Variants in ZBTB20 observed in about 807,000 individuals in gnomAD.
The protein encoded by ZBTB20 is zinc finger and BTB domain-containing protein 20.
ZBTB20 carries 9 observed loss-of-function variants against 56.9 expected under a neutral mutation model. The observed-to-expected ratio is 0.16, with a 90% CI of 0.10 to 0.28. The LOEUF is 0.28. Ranked by LOEUF, ZBTB20 falls within the 10% of genes least tolerant of loss-of-function variation. The probability of loss-of-function intolerance (pLI) is 1.00; values close to 1 mark genes in which losing one functional copy is unlikely to be tolerated. For synonymous variants in ZBTB20, 417 were observed against 420.7 expected (o/e 0.99, Z 0.11); for missense variants, 655 against 1,003.0 (o/e 0.65, Z 4.69).
intron 6 of ZBTB20, among the ~76,000 whole-genome samples, chr3:114,595,901 A>G (rs563427521): frequency 6.6e-6 from 1 of 152,348 alleles, no homozygotes; most frequent in East Asian, 1.9e-4. Flanking sequence ...TTGAAAGTCC[A>G]ATATGCTATC....
intron 10 of ZBTB20, among the ~76,000 whole-genome samples, chr3:114,353,508 A>G (rs34901326): frequency 0.015 from 2,209 of 152,308 alleles, 41 homozygotes; most frequent in Non-Finnish European, 0.017. Flanking sequence ...TGCCTAAAAT[A>G]TTGTATTAGG....
intron 7 of ZBTB20, among the ~76,000 whole-genome samples, chr3:114,472,370 T>A (rs2109271276): frequency 6.6e-6 from 1 of 152,246 alleles, no homozygotes; most frequent in South Asian, 2.1e-4. Flanking sequence ...AACTGGGTCC[T>A]CCCTGGGAAA....
At chr3:114,383,907 T>C (rs1576505537) in intron 8 of ZBTB20, among the ~76,000 whole-genome samples, 6 of 152,276 alleles carry the variant, frequency 3.9e-5, no homozygotes, top group Admixed American at 3.9e-4. Context: ...ACATGGCACA[T>C]CTGAGGGCAA....
At chr3:114,374,564 C>G (rs1185019263) in intron 10 of ZBTB20, among the ~76,000 whole-genome samples, 1 of 152,168 alleles carries the variant, frequency 6.6e-6, no homozygotes, top group Admixed American at 6.5e-5. Flanking sequence ...TGCCATGTCT[C>G]TATTACGGTT....
chr3:114,936,500 C>A (rs1167402767), intron 3 of ZBTB20, among the ~76,000 whole-genome samples: 1 of 151,728 alleles, frequency 6.6e-6, no homozygotes, highest in African/African-American at 2.4e-5. Flanking sequence ...TGAATGAGAC[C>A]CTCATTCAAA....
intron 1 of ZBTB20, among the ~76,000 whole-genome samples, chr3:115,115,927 CTTGA>C (rs949801023): frequency 2.6e-5 from 4 of 152,004 alleles, no homozygotes; most frequent in Admixed American, 6.6e-5. Flanking sequence ...AAATAGACTT[CTTGA>C]TTATTATTTT....
intron 11 of ZBTB20, among the ~76,000 whole-genome samples, chr3:114,349,796 A>T (rs1190855972): frequency 6.6e-6 from 1 of 152,200 alleles, no homozygotes; most frequent in Non-Finnish European, 1.5e-5. Flanking sequence ...AAACAGCACT[A>T]TAAGGAAGGC....
intron 1 of ZBTB20, among the ~76,000 whole-genome samples, chr3:115,075,584 G>A (rs1183272978): frequency 2.6e-5 from 4 of 152,126 alleles, no homozygotes; most frequent in East Asian, 3.9e-4. Flanking sequence ...TTGAGATCCC[G>A]ATTTCAATTC....
chr3:115,110,934 G>A (rs2083860607), intron 1 of ZBTB20, among the ~76,000 whole-genome samples: 1 of 151,822 alleles, frequency 6.6e-6, no homozygotes, highest in Non-Finnish European at 1.5e-5. Context: ...AGGCTGCAGT[G>A]AGCCGAGCTT....
chr3:114,839,207 C>T (rs2074258433), intron 4 of ZBTB20, among the ~76,000 whole-genome samples: 1 of 152,068 alleles, frequency 6.6e-6, no homozygotes, highest in South Asian at 2.1e-4. Context: ...TCAAGACCAG[C>T]TTTGGCAATG....
At chr3:114,569,416 A>G (rs2053167670) in intron 6 of ZBTB20, among the ~76,000 whole-genome samples, 1 of 152,228 alleles carries the variant, frequency 6.6e-6, no homozygotes, top group Non-Finnish European at 1.5e-5. Context: ...CTTTGCCACG[A>G]AGTGTTTGGC....
intron 10 of ZBTB20, among the ~76,000 whole-genome samples, chr3:114,379,359 G>C (rs752216430): frequency 9.9e-5 from 15 of 152,068 alleles, no homozygotes; most frequent in Non-Finnish European, 1.8e-4. Flanking sequence ...ATATTCTTTT[G>C]GATTCGACTC....
At chr3:114,475,072 C>T (rs2040588680) in intron 7 of ZBTB20, among the ~76,000 whole-genome samples, 1 of 152,150 alleles carries the variant, frequency 6.6e-6, no homozygotes, top group African/African-American at 2.4e-5. Context: ...CTTTCTGGTC[C>T]CAATATACTT....
chr3:114,981,910 C>T (rs1403534775), intron 2 of ZBTB20, among the ~76,000 whole-genome samples: 1 of 151,974 alleles, frequency 6.6e-6, no homozygotes, highest in African/African-American at 2.4e-5. Context: ...AAGTCTACTT[C>T]TTCACTACCA....
intron 7 of ZBTB20, among the ~76,000 whole-genome samples, chr3:114,486,989 C>T (rs1453907338): frequency 6.6e-6 from 1 of 152,100 alleles, no homozygotes; most frequent in Non-Finnish European, 1.5e-5. Context: ...AGAAAAAAAA[C>T]TCTTAATTTT....
chr3:114,496,671 T>C (rs1008134605), intron 7 of ZBTB20, among the ~76,000 whole-genome samples: 1 of 152,160 alleles, frequency 6.6e-6, no homozygotes, highest in African/African-American at 2.4e-5. Context: ...ACACTTATGG[T>C]GAACTCTAAT....
chr3:114,528,398 A>G (rs1039341453), intron 6 of ZBTB20, among the ~76,000 whole-genome samples: 1 of 152,138 alleles, frequency 6.6e-6, no homozygotes, highest in African/African-American at 2.4e-5. Context: ...AAATGTCTAC[A>G]TGAGACACAG....
At chr3:114,836,590 T>A (rs1045939647) in intron 4 of ZBTB20, among the ~76,000 whole-genome samples, 2 of 152,210 alleles carry the variant, frequency 1.3e-5, no homozygotes, top group African/African-American at 4.8e-5. Context: ...GGTGCCACCA[T>A]CTGCCCTGAC....
intron 2 of ZBTB20, among the ~76,000 whole-genome samples, chr3:115,054,939 T>C (rs2081700620): frequency 6.6e-6 from 1 of 152,124 alleles, no homozygotes; most frequent in South Asian, 2.1e-4. Flanking sequence ...ATTCTCCTGC[T>C]AATCCATGTA....
Sources: allele counts gnomAD v4.1 joint callset (sites outside exome capture counted in the v4.1 genomes callset), GRCh38; gene constraint gnomAD v4.1.1; transcripts MANE v1.5; gene names NCBI Gene and HGNC (gene_info 2026-07-23, HGNC 2026-07-21).